Variants in GBA2 observed in about 807,000 individuals in gnomAD.
GBA2 encodes the protein glucosylceramidase beta 2.
A neutral mutation model predicts 112.9 loss-of-function variants in GBA2; 79 were observed. The ratio of observed to expected loss-of-function variants is 0.70; its 90% CI spans 0.58 to 0.84. The LOEUF (loss-of-function observed/expected upper bound fraction) is 0.84, where lower values mean the gene tolerates loss of function less well. Among genes scored for constraint, GBA2 ranks in the 40% least tolerant of loss-of-function variants. GBA2 has a pLI of 0.00. For synonymous variants in GBA2, 403 were observed against 434.3 expected (o/e 0.93, Z 0.90); for missense variants, 1,043 against 1,190.0 (o/e 0.88, Z 1.82).
Position 35,748,663 on chromosome 9 carries a change from T to G in GBA2, c.42A>C (p.Pro14=). 6.3e-7 allele frequency: 1 copy of G among 1,594,754 alleles called. No homozygotes were observed. Among genetic ancestry groups the G allele is most frequent in the Non-Finnish European group, 8.6e-7 (1 of 1,168,584 alleles). The change falls in exon 1 of 17, where the codon CCA becomes CCC. Residue 14 remains proline (P), a synonymous_variant. Transcript: ENST00000378103. The part of the protein sequence containing the change: ...QDPGNMGTGV[P]ASEQISCAKE... ...TGGCACAGCTTATCTGCTCCGAGGC[T>G]GGGACGCCGGTTCCCATGTTCCCTG...
Position 35,748,505 on chromosome 9 carries a change from T to C in GBA2, c.200A>G (p.Gln67Arg). 1 of 1,614,202 alleles carries C rather than the reference T, an allele frequency of 6.2e-7. No homozygotes were observed. The highest frequency in any genetic ancestry group is 1.3e-5 in the African/African-American group (1 of 75,064). Residue 67 changes from glutamine (Q) to arginine (R), a missense_variant, in exon 1 of 17, where the codon CAG becomes CGG. By Grantham distance (43) the Gln-to-Arg change is conservative (BLOSUM62 1). Transcript: ENST00000378103. ...TDCCNPEDSG[Q>R]LMVSYEGKAM... ...TTTACCCTCATAGGAAACCATCAGC[T>C]GCCCAGAGTCCTCCGGATTGCAGCA...
chr9:35,738,065 G>A lies in GBA2; in HGVS notation c.2285C>T (p.Ala762Val), dbSNP rs1477715994. Residue 762 changes from alanine to valine, a missense_variant, in exon 15 of 17, where the codon GCC (alanine) becomes GTC (valine). By Grantham distance (64) the Ala-to-Val change is moderately conservative. Transcript: ENST00000378103. ...AGTGTCTCCTTCTCCTAGGCCACAG[G>A]CCTTCAGGAACCACTGTCCAGCACA... Reference protein sequence around the residue: ...DQCAGQWFLKACGLGEGDTEV... With the variant: ...DQCAGQWFLKVCGLGEGDTEV... 1 of 1,612,312 alleles carries A rather than the reference G, an allele frequency of 6.2e-7. No homozygotes were observed. Among genetic ancestry groups the A allele is most frequent in the Admixed American group, 1.7e-5 (1 of 59,840 alleles).
At chr9:35,745,714 G>A (rs1826938638) in intron 1 of GBA2, among the ~76,000 whole-genome samples, 1 of 152,102 alleles carries the variant, frequency 6.6e-6, no homozygotes, top group Admixed American at 6.5e-5. Context: ...CTGTTTTCAA[G>A]GCTCTGACAT....
rs373320858 is a variant in GBA2 at position 35,740,259 on chromosome 9, A to G, written c.1233T>C (p.Ala411=). The G allele has an allele frequency of 1.2e-6, 2 of 1,614,038 alleles. No individual in the cohort carries two copies. The highest frequency in any genetic ancestry group is 1.3e-5 in the African/African-American group (1 of 74,910). The part of the protein sequence containing the change: ...RGQCRLEFSL[A]WDMPRIMFGA... ...CAAACATGATCCTGGGCATGTCCCA[A>G]GCCAGTGAAAACTCCAGGCGGCACT... The change falls in exon 7 of 17, where the codon GCT becomes GCC. Residue 411 remains alanine (A), a synonymous_variant. Coordinates refer to ENST00000378103, the MANE Select transcript of GBA2 (RefSeq NM_020944.3). This position sits in a 1 kb window ranked among gnomAD's most constrained non-coding sequence, Gnocchi z 4.7.
Position 35,748,869 on chromosome 9 carries a change from T to TG in GBA2, c.-166dup, listed in dbSNP as rs1328758367. ...TGGAGCCGGGGAGCTCTTGCTTCAG[T>TG]GGGGGCGGCGACAGCAAAGAAGCCG... On this transcript the variant is annotated 5_prime_UTR_variant, in exon 1 of 17. It introduces an in-frame stop codon into an upstream open reading frame of the 5' UTR. Transcript: ENST00000378103. 1.8e-6 allele frequency: 1 copy of TG among 562,524 alleles called. No homozygotes were observed. The highest frequency in any genetic ancestry group is 1.9e-5 in the African/African-American group (1 of 53,002). The allele number at this position is 562,524 out of a possible 1,614,324, so 34.8% of individuals were successfully genotyped here.
Position 35,746,303 on chromosome 9 carries a change from C to G in GBA2, c.360-1597G>C, listed in dbSNP as rs1012465336. Among the ~76,000 whole-genome samples, 22 of 152,106 alleles carry G rather than the reference C, an allele frequency of 1.4e-4. No homozygotes were observed. In the East Asian group the frequency reaches 4.3e-3, roughly 29 times the overall value. On this transcript the variant is annotated intron_variant, in intron 1 of 16. Coordinates refer to ENST00000378103, the MANE Select transcript of GBA2 (RefSeq NM_020944.3). This position sits in a 1 kb window ranked among gnomAD's most constrained non-coding sequence, Gnocchi z 5.2. Reference sequence around the variant, plus strand: ...AAGAAATGTGATTAATGAATAGGGACAGCGGCCAGGCACGGTGGCTCACAC... The same window carrying G: ...AAGAAATGTGATTAATGAATAGGGAGAGCGGCCAGGCACGGTGGCTCACAC...
At position 35,736,874 on chromosome 9, in the gene GBA2, T is replaced by C. The variant is rs2131929464; in HGVS notation, c.*295A>G. 1.3e-6 allele frequency: 1 copy of C among 797,660 alleles called. No homozygotes were observed. The highest frequency in any genetic ancestry group is 2.6e-5 in the East Asian group (1 of 38,352). 49.4% of individuals were successfully genotyped at this position (797,660 alleles called of 1,614,324 possible). ...AAACACACCACACTTAATGGCTTTCTGGGTCTTTTATTTGTACCCATGTGT... is the reference window on the plus strand; with the variant it reads ...AAACACACCACACTTAATGGCTTTCCGGGTCTTTTATTTGTACCCATGTGT... On this transcript the variant is annotated 3_prime_UTR_variant, in exon 17 of 17. Coordinates refer to ENST00000378103, the MANE Select transcript of GBA2 (RefSeq NM_020944.3).
In GBA2 at chr9:35,740,439, G is replaced by GGATAGGGAT; in HGVS notation, c.1130-78_1130-77insATCCCTATC. On this transcript the variant is annotated intron_variant, in intron 6 of 16. Transcript: ENST00000378103. This position sits in a 1 kb window ranked among gnomAD's most constrained non-coding sequence, Gnocchi z 4.7. ...TAGGGATCCCTAACATGGAAACAAG[G>GGATAGGGAT]CCTACTTATTACCAGGCCTCCCACC... is the stretch of plus-strand genomic sequence containing the variant. 6.3e-7 allele frequency: 1 copy of GGATAGGGAT among 1,577,086 alleles called. No individual in the cohort carries two copies. Among genetic ancestry groups the GGATAGGGAT allele is most frequent in the Non-Finnish European group, 8.7e-7 (1 of 1,151,088 alleles).
rs758154276 is a variant in GBA2, at chr9:35,740,909, A to G, written c.942T>C (p.Arg314=). The G allele has an allele frequency of 1.2e-6, 2 of 1,614,046 alleles. No individual in the cohort carries two copies. Among genetic ancestry groups the G allele is most frequent in the East Asian group, 4.5e-5 (2 of 44,888 alleles). Residue 314 remains arginine (R), a synonymous_variant, in exon 5 of 17, where the codon CGT becomes CGC. Transcript: ENST00000378103. This position sits in a 1 kb window ranked among gnomAD's most constrained non-coding sequence, Gnocchi z 4.7. ...GLWNEPFCLE[R]SGETVRGLLL... is the part of the protein sequence containing the mutation. Reference sequence around the variant, plus strand: ...GCAGCCCCCGGACAGTTTCCCCGCTACGCTCCAGACAGAAGGGCTCATTCC... The same window carrying G: ...GCAGCCCCCGGACAGTTTCCCCGCTGCGCTCCAGACAGAAGGGCTCATTCC...
Position 35,748,445 on chromosome 9 carries a change from C to T in GBA2, c.260G>A (p.Arg87His), listed in dbSNP as rs776095931. ...MGYQVPPFGW[R>H]ICLAHEFTEK... Reference sequence around the variant, plus strand: ...TGTAAACTCATGAGCCAGACAGATGCGCCAGCCAAAGGGAGGCACCTGGTA... The same window carrying T: ...TGTAAACTCATGAGCCAGACAGATGTGCCAGCCAAAGGGAGGCACCTGGTA... Residue 87 changes from arginine to histidine, a missense_variant, in exon 1 of 17, where the codon CGC becomes CAC. Physicochemically the swap from Arg to His is conservative, Grantham distance 29. Transcript: ENST00000378103. 1.2e-6 allele frequency: 2 copies of T among 1,614,052 alleles called. No homozygotes were observed.
At chr9:35,742,040 C>T in intron 3 of GBA2, 150 bp from the exon 4 acceptor site, 1 of 651,696 alleles carries the variant, frequency 1.5e-6, no homozygotes, top group South Asian at 1.7e-5. Context: ...CTCAGTGAAT[C>T]ACCAAGTCCT....
chr9:35,737,560 G>A lies in GBA2; in HGVS notation c.2506-113C>T. ...TGCCTTCAAGGAGCTCCCAGCAAGT[G>A]GAGGAGATAACTATGACCCACAGAC... On this transcript the variant is annotated intron_variant, in intron 16 of 16. Coordinates refer to ENST00000378103, the MANE Select transcript of GBA2 (RefSeq NM_020944.3). The surrounding 1 kb of genome is among the most constrained non-coding windows in gnomAD (Gnocchi z 4.1). 6.4e-7 allele frequency: 1 copy of A among 1,555,716 alleles called. No individual in the cohort carries two copies. The highest frequency in any genetic ancestry group is 1.7e-4 in the Middle Eastern group (1 of 6,002).
Position 35,738,482 on chromosome 9 carries a change from C to T in GBA2, c.2054+44G>A, listed in dbSNP as rs901428994. On this transcript the variant is annotated intron_variant, in intron 13 of 16. Transcript: ENST00000378103. ...CTTGAGCCCTACAATCCCTTGTTGC[C>T]CAGTTTCTCACCTCAGGCCTCCTGG... is the stretch of plus-strand genomic sequence containing the variant. 3 of 1,586,622 alleles carry T rather than the reference C, an allele frequency of 1.9e-6. No individual in the cohort carries two copies. In the African/African-American group the frequency reaches 4.0e-5, roughly 21 times the overall value.
intron 1 of GBA2, 99 bp from the exon 2 acceptor site, chr9:35,744,805 C>A: frequency 2.7e-6 from 2 of 729,278 alleles, no homozygotes; most frequent in South Asian, 1.5e-5. Context: ...TTAAATGTCC[C>A]AAGGACATCT....
Position 35,744,684 on chromosome 9 carries a change from T to G in GBA2, c.382A>C (p.Lys128Gln), listed in dbSNP as rs757268252. ...GGTGTCTTCTTTTCCACATGGGTCT[T>G]CCGGTACCACCACTGCAGGTACCTG... Reference protein sequence around the residue: ...GLRYLQWWYRKTHVEKKTPFI... With the variant: ...GLRYLQWWYRQTHVEKKTPFI... The change falls in exon 2 of 17, where the codon AAG becomes CAG. Residue 128 changes from lysine to glutamine, a missense_variant. Lys to Gln is a moderately conservative substitution (Grantham distance 53). Transcript: ENST00000378103. 1.2e-6 allele frequency: 2 copies of G among 1,606,346 alleles called. No individual in the cohort carries two copies. Among genetic ancestry groups the G allele is most frequent in the Admixed American group, 3.3e-5 (2 of 60,024 alleles).
intron 1 of GBA2, among the ~76,000 whole-genome samples, chr9:35,745,418 T>A (rs2132008004): frequency 6.6e-6 from 1 of 152,194 alleles, no homozygotes. Context: ...AGCTACCGCT[T>A]CTGGCCTTTC....
chr9:35,743,930 T>C (rs984793804), intron 3 of GBA2, among the ~76,000 whole-genome samples: 2 of 152,054 alleles, frequency 1.3e-5, no homozygotes, highest in African/African-American at 2.4e-5. Context: ...TTATAGACTT[T>C]GGGTTTTCTT....
rs762455049 is a variant in GBA2 at position 35,748,945 on chromosome 9, G to C, written c.-241C>G. 5.1e-6 allele frequency: 2 copies of C among 393,128 alleles called. No homozygotes were observed. Among genetic ancestry groups the C allele is most frequent in the Non-Finnish European group, 9.0e-6 (2 of 222,598 alleles). 24.4% of individuals were successfully genotyped at this position (393,128 alleles called of 1,614,324 possible). On this transcript the variant is annotated 5_prime_UTR_variant, in exon 1 of 17. Coordinates refer to ENST00000378103, the MANE Select transcript of GBA2 (RefSeq NM_020944.3). ...TGTAGGTCCTGGACGGGAAGGGTCG[G>C]GCCTCGTCGTCATTGAGCCGACGAT... is the stretch of plus-strand genomic sequence containing the variant.
rs1826245443 is a variant in GBA2, at chr9:35,737,011, T to A, written c.*158A>T. ...ATAAGTGATTCTAATGCTGCCTAGG[T>A]CACCCTCAACCCCCATTTACTGGCA... On this transcript the variant is annotated 3_prime_UTR_variant, in exon 17 of 17. Coordinates refer to ENST00000378103, the MANE Select transcript of GBA2 (RefSeq NM_020944.3). The surrounding 1 kb of genome is among the most constrained non-coding windows in gnomAD (Gnocchi z 4.1). The A allele has an allele frequency of 1.8e-6, 2 of 1,126,958 alleles. No homozygotes were observed. Among genetic ancestry groups the A allele is most frequent in the Non-Finnish European group, 2.5e-6 (2 of 807,440 alleles). The allele number at this position is 1,126,958 out of a possible 1,614,324, so 69.8% of individuals were successfully genotyped here. A position where few individuals can be genotyped will look rare whatever the true frequency, so the allele number is the denominator to read the frequency against.
Sources: allele counts gnomAD v4.1 joint callset (sites outside exome capture counted in the v4.1 genomes callset), GRCh38; gene constraint gnomAD v4.1.1; non-coding constraint Gnocchi (gnomAD v3.1); transcripts MANE v1.5; gene names NCBI Gene and HGNC (gene_info 2026-07-23, HGNC 2026-07-21).